Variants in FAM83F observed in about 807,000 individuals in gnomAD.
FAM83F encodes the protein protein FAM83F.
A neutral mutation model predicts 42.9 loss-of-function variants in FAM83F; 45 were observed. The ratio of observed to expected loss-of-function variants is 1.05; its 90% CI spans 0.83 to 1.35. FAM83F has a LOEUF of 1.35. Among genes scored for constraint, FAM83F ranks in the 40% most tolerant of loss-of-function variants. The pLI is 0.00. For synonymous variants in FAM83F, 306 were observed against 298.3 expected, an observed-to-expected ratio of 1.03 and a Z score of -0.27; for missense variants, 617 against 695.9, an observed-to-expected ratio of 0.89 and a Z score of 1.28.
intron 1 of FAM83F, among the ~76,000 whole-genome samples, chr22:39,999,639 A>C (rs1369163908): frequency 6.6e-6 from 1 of 152,176 alleles, no homozygotes; most frequent in African/African-American, 2.4e-5. Context: ...AGGTTACACA[A>C]CATCCCCAGG....
rs191879417 is a variant in FAM83F at position 40,012,685 on chromosome 22, G to A, written c.490-6483G>A. 6.8e-3 allele frequency among the ~76,000 whole-genome samples: 1,026 copies of A among 151,410 alleles called. 11 individuals carry two copies. Among genetic ancestry groups the A allele is most frequent in the Admixed American group, 0.012 (184 of 15,208 alleles). On this transcript the variant is annotated intron_variant, in intron 1 of 4. Coordinates refer to ENST00000333407, the MANE Select transcript of FAM83F (RefSeq NM_138435.4). ...CTCGGGAGGCTGAGGCACAAGAATC[G>A]CTTGAACCTGGGAGTCAGAGGTTGC...
rs2067367107 is a variant in FAM83F, at chr22:39,995,188, G to C, written c.146G>C (p.Arg49Pro). The change falls in exon 1 of 5, where the codon CGG (arginine) becomes CCG (proline). Residue 49 changes from arginine (R) to proline (P), a missense_variant. Coordinates refer to ENST00000333407, the MANE Select transcript of FAM83F (RefSeq NM_138435.4). The surrounding 1 kb of genome is among the most constrained non-coding windows in gnomAD (Gnocchi z 4.6). ...GGCGGCGAGCAGGCCTACCGCGAGC[G>C]GCTCAAGGAGGAGCAGCTGCGGGAC... is the stretch of plus-strand genomic sequence containing the variant. ...LGGGEQAYRE[R>P]LKEEQLRDFL... is the part of the protein sequence containing the mutation. The C allele has an allele frequency of 6.7e-7, 1 of 1,495,702 alleles. No individual in the cohort carries two copies. The allele number at this position is 1,495,702 out of a possible 1,614,324, so 92.7% of individuals were successfully genotyped here.
rs979658482 is a variant in FAM83F at position 40,033,621 on chromosome 22, GACCACCAAAAATGTCTCCAGATGTT to G, written c.*4062_*4086del. The G allele has an allele frequency of 6.6e-6, 1 of 152,290 alleles. No individual in the cohort carries two copies. Among genetic ancestry groups the G allele is most frequent in the Non-Finnish European group, 1.5e-5 (1 of 68,098 alleles). 9.4% of individuals were successfully genotyped at this position (152,290 alleles called of 1,614,324 possible). A position where few individuals can be genotyped will look rare whatever the true frequency, so the allele number is the denominator to read the frequency against. ...ATGCCACTAGCACTCCTTCAGATGA[GACCACCAAAAATGTCTCCAGATGTT>G]ACCACATGTCCCCTGGGGGGTAAAA... On this transcript the variant is annotated 3_prime_UTR_variant, in exon 5 of 5. Coordinates refer to ENST00000333407, the MANE Select transcript of FAM83F (RefSeq NM_138435.4).
In FAM83F at chr22:40,023,329, C is replaced by T. The variant is rs976275042; in HGVS notation, c.1453+1366C>T. 6.7e-6 allele frequency among the ~76,000 whole-genome samples: 1 copy of T among 150,316 alleles called. No individual in the cohort carries two copies. The highest frequency in any genetic ancestry group is 1.5e-5 in the Non-Finnish European group (1 of 67,578). On this transcript the variant is annotated intron_variant, in intron 4 of 4. Transcript: ENST00000333407. This position sits in a 1 kb window ranked among gnomAD's most constrained non-coding sequence, Gnocchi z 4.1. ...CCCCATCCCCATTCCTCCTGGGCTCCCTGGCTCCCCTAACACCAGCTGCTG... is the reference window on the plus strand; with the variant it reads ...CCCCATCCCCATTCCTCCTGGGCTCTCTGGCTCCCCTAACACCAGCTGCTG...
intron 1 of FAM83F, among the ~76,000 whole-genome samples, chr22:40,003,817 G>A (rs2067414019): frequency 1.3e-5 from 2 of 152,156 alleles, no homozygotes; most frequent in South Asian, 2.1e-4. Context: ...GCACGCCGGG[G>A]CACAGCTTGC....
In FAM83F at chr22:39,995,554, A is replaced by T; in HGVS notation, c.489+23A>T. On this transcript the variant is annotated intron_variant, in intron 1 of 4. Coordinates refer to ENST00000333407, the MANE Select transcript of FAM83F (RefSeq NM_138435.4). This position sits in a 1 kb window ranked among gnomAD's most constrained non-coding sequence, Gnocchi z 4.6. ...AAGGTAGGCCCCCGCCTTCGCCCCC[A>T]CACCGCTGGGACCTCGGCCCCAGTC... 2.6e-6 allele frequency: 4 copies of T among 1,530,238 alleles called. No homozygotes were observed. Among genetic ancestry groups the T allele is most frequent in the Non-Finnish European group, 3.5e-6 (4 of 1,133,186 alleles). The allele number at this position is 1,530,238 out of a possible 1,614,324, so 94.8% of individuals were successfully genotyped here. A position where few individuals can be genotyped will look rare whatever the true frequency, so the allele number is the denominator to read the frequency against.
At chr22:40,012,575 G>T (rs2067471287) in intron 1 of FAM83F, among the ~76,000 whole-genome samples, 1 of 149,286 alleles carries the variant, frequency 6.7e-6, no homozygotes, top group Non-Finnish European at 1.5e-5. Flanking sequence ...TTTAAGACCA[G>T]CCTGGCCAAC....
chr22:40,017,225 C>CTTTT (rs59308005), intron 1 of FAM83F, among the ~76,000 whole-genome samples: 21 of 115,566 alleles, frequency 1.8e-4, no homozygotes, highest in African/African-American at 2.8e-4. Context: ...TCAGCACTTT[C>CTTTT]TTTTTTTTTT....
chr22:40,010,710 C>T (rs1006062738), intron 1 of FAM83F, among the ~76,000 whole-genome samples: 1 of 152,202 alleles, frequency 6.6e-6, no homozygotes, highest in Non-Finnish European at 1.5e-5. Context: ...AACTGGACAC[C>T]TTGGAGTGTT....
At chr22:40,016,432 C>T (rs1303238826) in intron 1 of FAM83F, among the ~76,000 whole-genome samples, 1 of 152,018 alleles carries the variant, frequency 6.6e-6, no homozygotes, top group Non-Finnish European at 1.5e-5. Flanking sequence ...CTCCTGAGCT[C>T]AAGCAGTCCT....
chr22:40,022,002 C>T, intron 4 of FAM83F, 39 bp downstream of exon 4: 2 of 1,492,636 alleles, frequency 1.3e-6, no homozygotes, highest in Non-Finnish European at 1.8e-6. Context: ...CTCCCCAGGC[C>T]TCTGGCCCTC....
Position 40,021,166 on chromosome 22 carries a change from C to A in FAM83F, c.780-124C>A. On this transcript the variant is annotated intron_variant, in intron 3 of 4. Coordinates refer to ENST00000333407, the MANE Select transcript of FAM83F (RefSeq NM_138435.4). The surrounding 1 kb of genome is among the most constrained non-coding windows in gnomAD (Gnocchi z 8.7). The stretch of plus-strand genomic sequence containing the variant: ...TGGAGGGAATCAGTCCAGCGTGTGG[C>A]CCACAAGGAGCCGTACACCTGCAGC... The A allele has an allele frequency of 8.7e-7, 1 of 1,149,012 alleles. No homozygotes were observed. The highest frequency in any genetic ancestry group is 1.2e-6 in the Non-Finnish European group (1 of 845,842). The allele number at this position is 1,149,012 out of a possible 1,614,324, so 71.2% of individuals were successfully genotyped here.
At position 40,021,233 on chromosome 22, in the gene FAM83F, A is replaced by C; in HGVS notation, c.780-57A>C. ...CGGAGGGGCAGGTGGGGGCGGGGGC[A>C]GGGCAAGAGAGAGGCCTGGGCACAT... On this transcript the variant is annotated intron_variant, in intron 3 of 4. Coordinates refer to ENST00000333407, the MANE Select transcript of FAM83F (RefSeq NM_138435.4). The surrounding 1 kb of genome is among the most constrained non-coding windows in gnomAD (Gnocchi z 8.7). 6.9e-7 allele frequency: 1 copy of C among 1,459,310 alleles called. No individual in the cohort carries two copies. Among genetic ancestry groups the C allele is most frequent in the Non-Finnish European group, 9.1e-7 (1 of 1,102,424 alleles). 90.4% of individuals were successfully genotyped at this position (1,459,310 alleles called of 1,614,324 possible).
intron 2 of FAM83F, 110 bp downstream of exon 2, chr22:40,019,445 C>A: frequency 1.0e-6 from 1 of 976,154 alleles, no homozygotes; most frequent in Non-Finnish European, 1.5e-6. Context: ...CTCAGGCGAA[C>A]TTCAAGATCT....
At chr22:40,008,990 C>T (rs939387675) in intron 1 of FAM83F, among the ~76,000 whole-genome samples, 1 of 152,188 alleles carries the variant, frequency 6.6e-6, no homozygotes, top group Non-Finnish European at 1.5e-5. Context: ...CCTGTTTGCT[C>T]AGCTGCTGTC....
At chr22:40,022,862 C>G (rs889689346) in intron 4 of FAM83F, among the ~76,000 whole-genome samples, 8 of 152,220 alleles carry the variant, frequency 5.3e-5, no homozygotes, top group African/African-American at 1.9e-4. Flanking sequence ...GGCCCAAGGG[C>G]TTCCAGGACT....
intron 1 of FAM83F, among the ~76,000 whole-genome samples, chr22:39,996,500 T>C (rs2067374001): frequency 6.6e-6 from 1 of 152,236 alleles, no homozygotes; most frequent in African/African-American, 2.4e-5. Context: ...TTTTATTTGC[T>C]AACTCTGGCT....
chr22:40,015,751 G>A (rs1601768176), intron 1 of FAM83F, among the ~76,000 whole-genome samples: 2 of 152,036 alleles, frequency 1.3e-5, no homozygotes, highest in South Asian at 2.1e-4. Flanking sequence ...TAATCTCTCC[G>A]CTCACCCACT....
intron 4 of FAM83F, among the ~76,000 whole-genome samples, chr22:40,028,174 G>A (rs1022504934): frequency 1.5e-4 from 23 of 152,250 alleles, no homozygotes; most frequent in Admixed American, 6.5e-4. Flanking sequence ...CAAAGGTGGG[G>A]GAACACCCTT....
Sources: allele counts gnomAD v4.1 joint callset (sites outside exome capture counted in the v4.1 genomes callset), GRCh38; gene constraint gnomAD v4.1.1; non-coding constraint Gnocchi (gnomAD v3.1); transcripts MANE v1.5; gene names NCBI Gene and HGNC (gene_info 2026-07-23, HGNC 2026-07-21).